The following FMO4 variants were observed in gnomAD, a reference collection of about 807,000 sequenced individuals.
FMO4 encodes flavin containing dimethylaniline monoxygenase 4, also known as dimethylaniline monooxygenase [N-oxide-forming] 4.
A neutral mutation model predicts 43.3 loss-of-function variants in FMO4; 38 were observed. The ratio of observed to expected loss-of-function variants is 0.88; its 90% CI spans 0.68 to 1.15. The LOEUF is 1.15. Ranked by LOEUF, FMO4 falls within the 50% of genes most tolerant of loss-of-function variation. The pLI is 0.00. For synonymous variants in FMO4, 224 were observed against 232.2 expected (o/e 0.96, Z 0.32); for missense variants, 631 against 663.3 (o/e 0.95, Z 0.54).
At chr1:171,340,639 T>G (rs1663335648) in intron 9 of FMO4, among the ~76,000 whole-genome samples, 1 of 152,174 alleles carries the variant, frequency 6.6e-6, no homozygotes, top group South Asian at 2.1e-4. Context: ...TTTAAAATAT[T>G]TAAACCTTTT....
At chr1:171,328,775 C>T (rs571753991) in intron 5 of FMO4, among the ~76,000 whole-genome samples, 484 of 152,182 alleles carry the variant, frequency 3.2e-3, no homozygotes, top group Non-Finnish European at 5.5e-3. Flanking sequence ...ATATAAGATA[C>T]GACTATTAGC....
At chr1:171,328,670 T>C (rs987341369) in intron 5 of FMO4, among the ~76,000 whole-genome samples, 18 of 151,854 alleles carry the variant, frequency 1.2e-4, no homozygotes, top group East Asian at 3.9e-4. Flanking sequence ...AAAAAGTTCT[T>C]TGAGGGTGGG....
chr1:171,324,430 T>G, intron 5 of FMO4, 130 bp downstream of exon 5: 1 of 664,564 alleles, frequency 1.5e-6, no homozygotes, highest in Non-Finnish European at 2.5e-6. Context: ...AAATAATATG[T>G]GCAAAATTAC....
In FMO4 at chr1:171,341,581, C is replaced by T. The variant is rs1425394049; in HGVS notation, c.1419C>T (p.Leu473=). The T allele has an allele frequency of 6.2e-7, 1 of 1,614,056 alleles. No individual in the cohort carries two copies. Among genetic ancestry groups the T allele is most frequent in the African/African-American group, 1.3e-5 (1 of 75,030 alleles). The part of the protein sequence containing the change: ...FGPCTPYQYR[L]MGPGKWDGAR... The stretch of plus-strand genomic sequence containing the variant: ...CATGTACTCCTTATCAGTACCGCCT[C>T]ATGGGCCCTGGAAAATGGGATGGAG... The change falls in exon 10 of 10, where the codon CTC becomes CTT. Residue 473 remains leucine, a synonymous_variant. Transcript: ENST00000367749.
In FMO4 at chr1:171,341,474, G is replaced by A. The variant is rs145091548; in HGVS notation, c.1312G>A (p.Ala438Thr). 136 of 1,613,708 alleles carry A rather than the reference G, an allele frequency of 8.4e-5. No homozygotes were observed. In the South Asian group the frequency reaches 1.0e-3, roughly 12 times the overall value. Residue 438 changes from alanine to threonine, a missense_variant, in exon 10 of 10, where the codon GCT becomes ACT. Physicochemically the swap from Ala to Thr is moderately conservative, Grantham distance 58. Transcript: ENST00000367749. Reference protein sequence around the residue: ...FDYIAYMDDIAACIGTKPSIP... With the variant: ...FDYIAYMDDITACIGTKPSIP... ...CTACATTGCCTACATGGATGATATCGCTGCCTGCATAGGCACAAAGCCCAG... is the reference window on the plus strand; with the variant it reads ...CTACATTGCCTACATGGATGATATCACTGCCTGCATAGGCACAAAGCCCAG...
At chr1:171,321,493 A>T (rs1662422263) in intron 3 of FMO4, among the ~76,000 whole-genome samples, 2 of 152,198 alleles carry the variant, frequency 1.3e-5, no homozygotes, top group African/African-American at 4.8e-5. Context: ...ATAATGCCTA[A>T]TACAATATAA....
chr1:171,334,270 A>C, intron 7 of FMO4, 141 bp from the exon 8 acceptor site: 1 of 604,830 alleles, frequency 1.7e-6, no homozygotes, highest in Non-Finnish European at 2.9e-6. Flanking sequence ...TACTAAGTCA[A>C]GTAGATGACT....
At chr1:171,333,200 T>C (rs1662975079) in intron 7 of FMO4, 1 of 273,250 alleles carries the variant, frequency 3.7e-6, no homozygotes, top group Admixed American at 5.1e-5. Context: ...TTGTTGTTGT[T>C]GGGGTTTTTT....
intron 2 of FMO4, among the ~76,000 whole-genome samples, chr1:171,318,188 G>A (rs147998206): frequency 2.5e-4 from 38 of 152,054 alleles, no homozygotes; most frequent in African/African-American, 7.7e-4. Context: ...GTGGTGACAG[G>A]CACCTGTAAT....
intron 5 of FMO4, among the ~76,000 whole-genome samples, chr1:171,328,842 G>T (rs1662783826): frequency 6.6e-6 from 1 of 151,840 alleles, no homozygotes; most frequent in Non-Finnish European, 1.5e-5. Context: ...TCCTTCCGTT[G>T]CCCCTGGATG....
In FMO4 at chr1:171,332,788, C is replaced by T; in HGVS notation, c.707C>T (p.Thr236Ile). The part of the protein sequence containing the change: ...DWGYPYNMMV[T>I]RRCCSFIAQV... ...GGCTATCCTTATAATATGATGGTTACAAGAAGATGCTGTAGTTTTATTGCA... is the reference window on the plus strand; with the variant it reads ...GGCTATCCTTATAATATGATGGTTATAAGAAGATGCTGTAGTTTTATTGCA... Residue 236 changes from threonine to isoleucine, a missense_variant, in exon 7 of 10, where the codon ACA (threonine) becomes ATA (isoleucine). Physicochemically the swap from Thr to Ile is moderately conservative, Grantham distance 89 (BLOSUM62 -1). Coordinates refer to ENST00000367749, the MANE Select transcript of FMO4 (RefSeq NM_002022.3). The T allele has an allele frequency of 3.1e-6, 5 of 1,612,916 alleles. No homozygotes were observed. The highest frequency in any genetic ancestry group is 4.2e-6 in the Non-Finnish European group (5 of 1,179,046).
chr1:171,340,455 GT>G (rs1450326918), intron 9 of FMO4, among the ~76,000 whole-genome samples: 1 of 152,166 alleles, frequency 6.6e-6, no homozygotes, highest in African/African-American at 2.4e-5. Flanking sequence ...CAGTGCGCCT[GT>G]TAGAGTCGTC....
In FMO4 at chr1:171,320,016, A is replaced by C. The variant is rs914212790; in HGVS notation, c.132+59A>C. The C allele has an allele frequency of 1.9e-6, 3 of 1,597,918 alleles. No individual in the cohort carries two copies. In the African/African-American group the frequency reaches 4.0e-5, roughly 21 times the overall value. On this transcript the variant is annotated intron_variant, in intron 3 of 9. Coordinates refer to ENST00000367749, the MANE Select transcript of FMO4 (RefSeq NM_002022.3). ...CCATTTGCTTTGTCTCTGCTCAGAC[A>C]TGGTGGCTTTAGCCTGCCTTGGTGA...
At chr1:171,329,837 G>T (rs1346474442) in intron 5 of FMO4, among the ~76,000 whole-genome samples, 1 of 152,196 alleles carries the variant, frequency 6.6e-6, no homozygotes, top group Non-Finnish European at 1.5e-5. Flanking sequence ...CAGCATAGTT[G>T]GTTTAGCACC....
chr1:171,341,344 G>A (rs939759671), intron 9 of FMO4, 69 bp from the exon 10 acceptor site: 21 of 1,131,106 alleles, frequency 1.9e-5, no homozygotes, highest in Non-Finnish European at 2.7e-5. Context: ...AGGATGGGTG[G>A]GTCTGATAAC....
chr1:171,317,540 G>C (rs1268440499), intron 2 of FMO4, among the ~76,000 whole-genome samples: 7 of 152,146 alleles, frequency 4.6e-5, no homozygotes. Flanking sequence ...CAGCCCATTT[G>C]ATTGAGGCAA....
rs201795512 is a variant in FMO4, at chr1:171,324,109, A to C, written c.322-29A>C. 8.1e-5 allele frequency: 128 copies of C among 1,588,962 alleles called. 1 individual carries two copies. The East Asian group carries it at 9.0e-4, about 11-fold the overall frequency. On this transcript the variant is annotated intron_variant, in intron 4 of 9. Transcript: ENST00000367749. ...TGCATGAGGTCCAAGGGTGTTAGTG[A>C]GAAGTGAGTGTTTGTCTTTCACTTT...
At chr1:171,331,857 G>T (rs1015029536) in intron 6 of FMO4, 75 bp downstream of exon 6, 2 of 1,347,914 alleles carry the variant, frequency 1.5e-6, no homozygotes, top group Admixed American at 1.8e-5. Flanking sequence ...TCAAAACTAT[G>T]AAGTACATTG....
At chr1:171,316,056 GA>G (rs1662184637) in intron 1 of FMO4, 129 bp from the exon 2 acceptor site, 2 of 152,082 alleles carry the variant, frequency 1.3e-5, no homozygotes, top group Admixed American at 1.3e-4. Flanking sequence ...CTTAGCTTAG[GA>G]CCTGCACTTA....
Sources: gnomAD v4.1 joint callset for allele counts (sites outside exome capture counted in the v4.1 genomes callset) on GRCh38, gnomAD v4.1.1 for gene constraint, MANE v1.5 for transcripts, NCBI Gene and HGNC (gene_info 2026-07-23, HGNC 2026-07-21) for gene names.